Variants in PCDH11Y observed in about 807,000 individuals in gnomAD.
The protein encoded by PCDH11Y is protocadherin-11 Y-linked.
For missense variants in PCDH11Y, 12 were observed against 224.8 expected (o/e 0.05, Z 6.05); for synonymous variants, 9 against 83.6 (o/e 0.11, Z 4.87).
chrY:5,213,405 C>T, intron 2 of PCDH11Y, among the ~76,000 whole-genome samples: 1 of 31,451 alleles, frequency 3.2e-5, no homozygotes, highest in Non-Finnish European at 7.7e-5. Context: ...GATTATACTA[C>T]TCACTGTGAA....
chrY:5,521,784 A>G, intron 3 of PCDH11Y, among the ~76,000 whole-genome samples: 5 of 33,109 alleles, frequency 1.5e-4, no homozygotes, highest in African/African-American at 2.4e-4. Context: ...AGTGTTTGCC[A>G]AAGTTACTGG....
At chrY:5,357,252 T>C in intron 2 of PCDH11Y, among the ~76,000 whole-genome samples, 1 of 12,566 alleles carries the variant, frequency 8.0e-5, no homozygotes, top group African/African-American at 6.6e-4. Flanking sequence ...TATATATACG[T>C]ATATATATAT....
intron 4 of PCDH11Y, among the ~76,000 whole-genome samples, chrY:5,657,852 G>A: frequency 3.0e-5 from 1 of 33,755 alleles, no homozygotes; most frequent in South Asian, 6.3e-4. Flanking sequence ...CATAAACAAA[G>A]AAGCACAAAA....
At chrY:5,530,505 AT>A (rs2053391862) in intron 3 of PCDH11Y, among the ~76,000 whole-genome samples, 2 of 31,858 alleles carry the variant, frequency 6.3e-5, no homozygotes, top group South Asian at 6.8e-4. Context: ...AATCAGTACT[AT>A]TTTTTTTTAT....
chrY:5,289,458 A>T, intron 2 of PCDH11Y, among the ~76,000 whole-genome samples: 1 of 34,337 alleles, frequency 2.9e-5, no homozygotes, highest in South Asian at 6.5e-4. Context: ...GAAAGCGGGT[A>T]GCTTCTCATT....
At chrY:5,131,353 G>T (rs2124641234) in intron 2 of PCDH11Y, among the ~76,000 whole-genome samples, 1 of 32,825 alleles carries the variant, frequency 3.0e-5, no homozygotes, top group Non-Finnish European at 7.5e-5. Context: ...AGATAAAAAG[G>T]TAAAGGATTG....
chrY:5,164,820 G>A (rs2052877758), intron 2 of PCDH11Y, among the ~76,000 whole-genome samples: 1 of 32,937 alleles, frequency 3.0e-5, no homozygotes. Context: ...TTTTAATGTA[G>A]GCTCTCTACA....
chrY:5,598,019 G>A, intron 4 of PCDH11Y, among the ~76,000 whole-genome samples: 1 of 31,822 alleles, frequency 3.1e-5, no homozygotes, highest in Admixed American at 2.9e-4. Context: ...GACTTTAGAT[G>A]AATATTCTTA....
At chrY:5,371,656 G>T (rs2053187308) in intron 2 of PCDH11Y, among the ~76,000 whole-genome samples, 1 of 33,192 alleles carries the variant, frequency 3.0e-5, no homozygotes, top group African/African-American at 1.2e-4. Flanking sequence ...CCAGCACTTT[G>T]GGAGGCTGAG....
chrY:5,342,542 T>C, intron 2 of PCDH11Y, among the ~76,000 whole-genome samples: 1 of 33,662 alleles, frequency 3.0e-5, no homozygotes, highest in Non-Finnish European at 7.3e-5. Flanking sequence ...AGCCGGGCTG[T>C]ATAAATGTCA....
chrY:5,463,741 T>C, intron 2 of PCDH11Y, among the ~76,000 whole-genome samples: 1 of 31,770 alleles, frequency 3.1e-5, no homozygotes, highest in Admixed American at 2.9e-4. Flanking sequence ...CCTTATCTTA[T>C]GATGAATCAA....
chrY:5,650,506 C>T (rs376980542), intron 4 of PCDH11Y, among the ~76,000 whole-genome samples: 1 of 33,141 alleles, frequency 3.0e-5, no homozygotes, highest in Non-Finnish European at 7.5e-5. Context: ...AGTAGAATGT[C>T]AGTGTTCCAA....
intron 2 of PCDH11Y, among the ~76,000 whole-genome samples, chrY:5,185,228 C>G: frequency 3.1e-5 from 1 of 31,944 alleles, no homozygotes; most frequent in African/African-American, 1.2e-4. Flanking sequence ...TACAGGCACC[C>G]CCCATCATGC....
chrY:5,219,962 T>A, intron 2 of PCDH11Y, among the ~76,000 whole-genome samples: 7 of 33,357 alleles, frequency 2.1e-4, no homozygotes, highest in Non-Finnish European at 5.2e-4. Flanking sequence ...TCTTTTTGAA[T>A]ATGGATATCC....
chrY:5,449,537 T>G, intron 2 of PCDH11Y, among the ~76,000 whole-genome samples: 5 of 33,333 alleles, frequency 1.5e-4, no homozygotes, highest in Non-Finnish European at 3.7e-4. Context: ...AGTAATGTGC[T>G]CTAGGCTTTC....
At chrY:5,116,402 A>T in intron 2 of PCDH11Y, among the ~76,000 whole-genome samples, 1 of 33,463 alleles carries the variant, frequency 3.0e-5, no homozygotes, top group African/African-American at 1.2e-4. Flanking sequence ...GTCGGTGACT[A>T]TTTTCTTCAG....
chrY:5,475,538 C>T, intron 2 of PCDH11Y, among the ~76,000 whole-genome samples: 1 of 31,113 alleles, frequency 3.2e-5, no homozygotes. Flanking sequence ...TACTCAGTCT[C>T]GGTGTGTAAC....
At chrY:5,469,208 G>A (rs2053310938) in intron 2 of PCDH11Y, among the ~76,000 whole-genome samples, 1 of 30,731 alleles carries the variant, frequency 3.3e-5, no homozygotes, top group Admixed American at 3.1e-4. Flanking sequence ...CAAGAACTGT[G>A]AGAAATAAAT....
intron 4 of PCDH11Y, among the ~76,000 whole-genome samples, chrY:5,682,088 A>C (rs2053558993): frequency 3.3e-5 from 1 of 30,654 alleles, no homozygotes; most frequent in Non-Finnish European, 7.8e-5. Context: ...ACAACAATTT[A>C]ACCAGTCACT....
Sources: gnomAD v4.1 joint callset for allele counts (sites outside exome capture counted in the v4.1 genomes callset) on GRCh38, gnomAD v4.1.1 for gene constraint, MANE v1.5 for transcripts, NCBI Gene and HGNC (gene_info 2026-07-23, HGNC 2026-07-21) for gene names.